ADGRL3: variants seen among roughly 807,000 people sequenced by gnomAD.
ADGRL3 encodes adhesion G protein-coupled receptor L3, also known as calcium-independent alpha-latrotoxin receptor 3.
Under a neutral mutation model 153.5 loss-of-function variants are expected in ADGRL3, and 62 were observed. The observed-to-expected ratio is 0.40, with a 90% CI of 0.33 to 0.50. The LOEUF (loss-of-function observed/expected upper bound fraction) is 0.50, where lower values mean the gene tolerates loss of function less well. Among genes scored for constraint, ADGRL3 ranks in the 20% least tolerant of loss-of-function variants. ADGRL3 has a pLI of 0.47. For synonymous variants in ADGRL3, 710 were observed against 672.5 expected (o/e 1.06, Z -0.86); for missense variants, 1,641 against 1,859.4 (o/e 0.88, Z 2.16).
chr4:61,765,320 A>G (rs1311819813), intron 8 of ADGRL3, among the ~76,000 whole-genome samples: 1 of 152,128 alleles, frequency 6.6e-6, no homozygotes, highest in African/African-American at 2.4e-5. Flanking sequence ...ACTGGAGCCT[A>G]ATAAAAAGGA....
intron 2 of ADGRL3, among the ~76,000 whole-genome samples, chr4:61,475,567 T>C (rs1191454228): frequency 3.3e-5 from 5 of 152,178 alleles, no homozygotes; most frequent in African/African-American, 9.6e-5. Context: ...TTTGATGTAA[T>C]GATGAGGTAT....
At chr4:61,606,842 A>T (rs150430240) in intron 5 of ADGRL3, among the ~76,000 whole-genome samples, 150 of 152,258 alleles carry the variant, frequency 9.9e-4, no homozygotes, top group African/African-American at 3.4e-3. Flanking sequence ...ATGAGGACCA[A>T]TTGGAAACAT....
At chr4:61,596,976 T>A (rs2098991487) in intron 5 of ADGRL3, among the ~76,000 whole-genome samples, 1 of 152,128 alleles carries the variant, frequency 6.6e-6, no homozygotes, top group Non-Finnish European at 1.5e-5. Flanking sequence ...GAAAAAGATA[T>A]ATAAATCATA....
intron 4 of ADGRL3, among the ~76,000 whole-genome samples, chr4:61,558,819 T>A (rs756135545): frequency 1.3e-5 from 2 of 152,076 alleles, no homozygotes; most frequent in Non-Finnish European, 2.9e-5. Context: ...AAAATGAATC[T>A]TATTAAGCCC....
intron 9 of ADGRL3, among the ~76,000 whole-genome samples, chr4:61,887,198 C>G (rs1006481218): frequency 1.3e-5 from 2 of 151,850 alleles, no homozygotes; most frequent in Non-Finnish European, 2.9e-5. Context: ...TTTATATTCT[C>G]TCTTATTAAT....
chr4:61,545,694 T>C (rs2098710310), intron 4 of ADGRL3, among the ~76,000 whole-genome samples: 2 of 152,082 alleles, frequency 1.3e-5, no homozygotes, highest in Admixed American at 1.3e-4. Flanking sequence ...TTGTACTTTT[T>C]AGTAGAGGCA....
chr4:62,063,456 T>C (rs897523037), intron 25 of ADGRL3: 3 of 638,278 alleles, frequency 4.7e-6, no homozygotes, highest in Admixed American at 2.6e-5. Context: ...CACATTTGCC[T>C]GATTGACCTT....
intron 5 of ADGRL3, among the ~76,000 whole-genome samples, chr4:61,645,980 C>T (rs531337081): frequency 8.2e-4 from 125 of 152,214 alleles, no homozygotes; most frequent in Admixed American, 1.8e-3. Flanking sequence ...AGGCTTTGCT[C>T]GTTTCTTTTT....
At chr4:61,566,153 C>G (rs1286935714) in intron 4 of ADGRL3, among the ~76,000 whole-genome samples, 1 of 151,756 alleles carries the variant, frequency 6.6e-6, no homozygotes, top group Non-Finnish European at 1.5e-5. Context: ...TCTCACAGTT[C>G]TGTAATCTAG....
At chr4:61,500,920 T>C (rs2098380518) in intron 3 of ADGRL3, among the ~76,000 whole-genome samples, 1 of 152,206 alleles carries the variant, frequency 6.6e-6, no homozygotes, top group Non-Finnish European at 1.5e-5. Flanking sequence ...ACTTGGCTTT[T>C]GAGCTCTGCT....
chr4:61,228,925 C>A (rs182049929), intron 1 of ADGRL3, among the ~76,000 whole-genome samples: 23 of 152,248 alleles, frequency 1.5e-4, no homozygotes, highest in African/African-American at 5.5e-4. Flanking sequence ...CTCCTGACCT[C>A]AAGCAATCTA....
chr4:61,448,306 T>C (rs2097612949), intron 2 of ADGRL3, among the ~76,000 whole-genome samples: 1 of 152,082 alleles, frequency 6.6e-6, no homozygotes, highest in Non-Finnish European at 1.5e-5. Flanking sequence ...AGCTTAAAAA[T>C]AACCAGGAAG....
At chr4:61,961,544 T>C (rs2098987810) in intron 17 of ADGRL3, among the ~76,000 whole-genome samples, 1 of 152,164 alleles carries the variant, frequency 6.6e-6, no homozygotes, top group African/African-American at 2.4e-5. Flanking sequence ...ACCAATTACC[T>C]AAAGCCTCTT....
chr4:61,327,935 AATTGCTATTAAG>A (rs1312009809), intron 1 of ADGRL3, among the ~76,000 whole-genome samples: 1 of 152,098 alleles, frequency 6.6e-6, no homozygotes, highest in Non-Finnish European at 1.5e-5. Context: ...AAGAAATGGA[AATTGCTATTAAG>A]ACTGTCAAAA....
chr4:61,459,689 C>G (rs1055338216), intron 2 of ADGRL3, among the ~76,000 whole-genome samples: 3 of 152,060 alleles, frequency 2.0e-5, no homozygotes, highest in Non-Finnish European at 4.4e-5. Context: ...TATGAGTTTC[C>G]TTTCCTCCAC....
chr4:61,457,387 A>T (rs1048626317), intron 2 of ADGRL3, among the ~76,000 whole-genome samples: 1 of 151,986 alleles, frequency 6.6e-6, no homozygotes, highest in Non-Finnish European at 1.5e-5. Context: ...CTTTTCATAC[A>T]TTAAGAAAAA....
intron 5 of ADGRL3, among the ~76,000 whole-genome samples, chr4:61,671,642 G>A (rs2095004669): frequency 6.6e-6 from 1 of 151,936 alleles, no homozygotes; most frequent in African/African-American, 2.4e-5. Flanking sequence ...AAATTGTGAG[G>A]GCCTGGTTAT....
Position 61,263,341 on chromosome 4 carries a change from T to C in ADGRL3, c.-240+61576T>C, listed in dbSNP as rs371734776. ...ATAATATTTAAATTCACTTTGGCAT[T>C]CAAAAAATATTAGGCTATTCCTAAT... is the stretch of plus-strand genomic sequence containing the variant. On this transcript the variant is annotated intron_variant, in intron 1 of 26. Coordinates refer to ENST00000683033, the MANE Select transcript of ADGRL3 (RefSeq NM_001387552.1). Among the ~76,000 whole-genome samples, 19 of 151,894 alleles carry C rather than the reference T, an allele frequency of 1.3e-4. No individual in the cohort carries two copies. In the East Asian group the frequency reaches 2.7e-3, roughly 22 times the overall value.
intron 5 of ADGRL3, among the ~76,000 whole-genome samples, chr4:61,643,413 T>C (rs1366675211): frequency 1.3e-5 from 2 of 151,852 alleles, no homozygotes; most frequent in Non-Finnish European, 2.9e-5. Flanking sequence ...CAGTATGATA[T>C]TGGCTGTGGG....
Sources: allele counts gnomAD v4.1 joint callset (sites outside exome capture counted in the v4.1 genomes callset), GRCh38; gene constraint gnomAD v4.1.1; transcripts MANE v1.5; gene names NCBI Gene and HGNC (gene_info 2026-07-23, HGNC 2026-07-21).